Variants in SPPL2B observed in about 807,000 individuals in gnomAD.
SPPL2B encodes signal peptide peptidase like 2B.
Under a neutral mutation model 59.7 loss-of-function variants are expected in SPPL2B, and 39 were observed. The ratio of observed to expected loss-of-function variants is 0.65; its 90% confidence interval spans 0.51 to 0.85. SPPL2B has a LOEUF of 0.85. Ranked by LOEUF, SPPL2B falls within the 40% of genes least tolerant of loss-of-function variation. The pLI is 0.00. For missense variants in SPPL2B, 865 were observed against 849.0 expected, an observed-to-expected ratio of 1.02 and a Z score of -0.23; for synonymous variants, 419 against 370.8, an observed-to-expected ratio of 1.13 and a Z score of -1.49.
chr19:2,343,063 G>A, intron 8 of SPPL2B, 148 bp from the exon 9 acceptor site: 2 of 664,580 alleles, frequency 3.0e-6, no homozygotes, highest in Non-Finnish European at 5.4e-6. Context: ...CACAGGTCTG[G>A]GGTCCTCAGA....
chr19:2,335,278 C>T (rs1244982245), intron 2 of SPPL2B, among the ~76,000 whole-genome samples: 9 of 129,130 alleles, frequency 7.0e-5, no homozygotes, highest in East Asian at 3.1e-4. Flanking sequence ...GCCTCCTTTC[C>T]CACTGCATCC....
chr19:2,329,346 G>T (rs1968161132), intron 1 of SPPL2B, among the ~76,000 whole-genome samples: 1 of 152,210 alleles, frequency 6.6e-6, no homozygotes, highest in Non-Finnish European at 1.5e-5. Context: ...TGGAATTCGT[G>T]TGCAGAAGGA....
chr19:2,341,798 G>C (rs923109545), intron 8 of SPPL2B: 2 of 364,416 alleles, frequency 5.5e-6, no homozygotes, highest in African/African-American at 4.2e-5. Context: ...GTCACATGAA[G>C]TTAGAGCAGG....
chr19:2,331,546 C>T lies in SPPL2B; in HGVS notation c.66+2771C>T, dbSNP rs191155825. On this transcript the variant is annotated intron_variant, in intron 1 of 14. Transcript: ENST00000613503. ...TCTTCCCGGTGAGATGCCGCGTTCT[C>T]TGGCCTTTGATAGAGGCACAGGCTT... Among the ~76,000 whole-genome samples, 57 of 152,222 alleles carry T rather than the reference C, an allele frequency of 3.7e-4. No individual in the cohort carries two copies. The East Asian group carries it at 9.8e-3, about 26-fold the overall frequency.
At chr19:2,335,299 G>A (rs1455244348) in intron 2 of SPPL2B, among the ~76,000 whole-genome samples, 17 of 119,416 alleles carry the variant, frequency 1.4e-4, no homozygotes, top group East Asian at 3.2e-4. Flanking sequence ...TTCAGGCCCC[G>A]CCTCCTTTCC....
intron 14 of SPPL2B, among the ~76,000 whole-genome samples, chr19:2,352,430 C>T (rs1033325634): frequency 2.0e-5 from 3 of 152,152 alleles, no homozygotes; most frequent in Admixed American, 6.5e-5. Context: ...TGGGGTCCTA[C>T]GTCATGTTTT....
Position 2,341,060 on chromosome 19 carries a change from G to GAC in SPPL2B, c.956+46_956+47insAC, listed in dbSNP as rs558376440. ...GCCCCGGCGGGCAGCGGAGTCCTCGGGTGCACCAGGGCTCCTGGGGCCCTG... is the reference window on the plus strand; with the variant it reads ...GCCCCGGCGGGCAGCGGAGTCCTCGGACGTGCACCAGGGCTCCTGGGGCCCTG... On this transcript the variant is annotated intron_variant, in intron 8 of 14. Coordinates refer to ENST00000613503, the MANE Select transcript of SPPL2B (RefSeq NM_152988.3). 1.8e-3 allele frequency: 2,464 copies of GAC among 1,393,404 alleles called. 34 individuals are homozygous for GAC. The African/African-American group carries it at 0.031, about 18-fold the overall frequency. The allele number at this position is 1,393,404 out of a possible 1,614,324, so 86.3% of individuals were successfully genotyped here.
intron 8 of SPPL2B, chr19:2,342,561 G>A (rs1368373732): frequency 6.6e-6 from 1 of 152,638 alleles, no homozygotes; most frequent in African/African-American, 2.4e-5. Flanking sequence ...GCTGAGGCAG[G>A]AGAATTGCTT....
chr19:2,350,389 G>A (rs1055563421), intron 13 of SPPL2B, among the ~76,000 whole-genome samples: 4 of 138,076 alleles, frequency 2.9e-5, no homozygotes, highest in East Asian at 4.3e-4. Flanking sequence ...ACACACTCGC[G>A]TTCTCATTCG....
Position 2,343,391 on chromosome 19 carries a change from C to G in SPPL2B, c.1038+99C>G, listed in dbSNP as rs77598010. 2.2e-3 allele frequency: 2,163 copies of G among 986,940 alleles called. 20 individuals are homozygous for G. In the African/African-American group the frequency reaches 0.023, roughly 11 times the overall value. 61.1% of individuals were successfully genotyped at this position (986,940 alleles called of 1,614,324 possible). A position where few individuals can be genotyped will look rare whatever the true frequency, so the allele number is the denominator to read the frequency against. On this transcript the variant is annotated intron_variant, in intron 9 of 14. Transcript: ENST00000613503. ...GGGCTGTGGTCCTTGCAGGTCTGTGCTCCTGCTCACTGCCCTGGGGATGGC... is the reference window on the plus strand; with the variant it reads ...GGGCTGTGGTCCTTGCAGGTCTGTGGTCCTGCTCACTGCCCTGGGGATGGC...
Position 2,354,963 on chromosome 19 carries a change from TCA to T in SPPL2B, c.*1756_*1757del, listed in dbSNP as rs1442357458. ...GGCCAGTGCTGTGAGGTGCCCAGCG[TCA>T]CTCCCATGGGCTCTGTGGGCCATGT... On this transcript the variant is annotated 3_prime_UTR_variant, in exon 15 of 15. Coordinates refer to ENST00000613503, the MANE Select transcript of SPPL2B (RefSeq NM_152988.3). Among the ~76,000 whole-genome samples the T allele has an allele frequency of 6.6e-6, 1 of 152,234 alleles. No homozygotes were observed. The highest frequency in any genetic ancestry group is 2.4e-5 in the African/African-American group (1 of 41,460).
intron 13 of SPPL2B, among the ~76,000 whole-genome samples, chr19:2,347,044 G>A (rs368573841): frequency 5.3e-5 from 8 of 152,204 alleles, no homozygotes; most frequent in Admixed American, 2.0e-4. Context: ...TTGCAGGATC[G>A]CTACAGAGAA....
chr19:2,343,477 C>A (rs1230108448), intron 9 of SPPL2B, among the ~76,000 whole-genome samples, 185 bp downstream of exon 9: 6 of 152,162 alleles, frequency 3.9e-5, no homozygotes, highest in African/African-American at 1.4e-4. Context: ...CCCGCTGAGG[C>A]GGCCTGGGTG....
intron 5 of SPPL2B, 40 bp downstream of exon 5, chr19:2,339,248 C>A (rs142285842): frequency 1.3e-6 from 2 of 1,581,982 alleles, no homozygotes; most frequent in Non-Finnish European, 1.7e-6. Context: ...CGGGGTCGGG[C>A]GGCTCTGACA....
chr19:2,344,880 C>T (rs189005791), intron 12 of SPPL2B, among the ~76,000 whole-genome samples: 19 of 152,238 alleles, frequency 1.2e-4, no homozygotes, highest in Admixed American at 3.9e-4. Flanking sequence ...GAAGGCCCCC[C>T]GATTGCAGAC....
chr19:2,337,380 G>C, intron 2 of SPPL2B, 63 bp from the exon 3 acceptor site: 1 of 1,467,554 alleles, frequency 6.8e-7, no homozygotes, highest in Non-Finnish European at 9.2e-7. Context: ...TGGGAGAACG[G>C]GCAGCTGGGC....
At chr19:2,352,666 C>T (rs1342385981) in intron 14 of SPPL2B, among the ~76,000 whole-genome samples, 2 of 152,036 alleles carry the variant, frequency 1.3e-5, no homozygotes, top group African/African-American at 2.4e-5. Flanking sequence ...GGCCCAGGGG[C>T]GAGAGACGGT....
chr19:2,350,261 C>A lies in SPPL2B; in HGVS notation c.1355-1173C>A, dbSNP rs542849485. 1.4e-5 allele frequency among the ~76,000 whole-genome samples: 2 copies of A among 144,932 alleles called. 1 individual carries two copies. Among genetic ancestry groups the A allele is most frequent in the African/African-American group, 5.2e-5 (2 of 38,626 alleles). On this transcript the variant is annotated intron_variant, in intron 13 of 14. Transcript: ENST00000613503. ...CCACACACACACTTGCGCTCTTATTCGCTTGATTCCGTTCTCTCTCTCCAC... is the reference window on the plus strand; with the variant it reads ...CCACACACACACTTGCGCTCTTATTAGCTTGATTCCGTTCTCTCTCTCCAC...
At chr19:2,340,281 C>A in intron 7 of SPPL2B, 109 bp downstream of exon 7, 2 of 888,124 alleles carry the variant, frequency 2.3e-6, no homozygotes, top group Non-Finnish European at 1.7e-6. Context: ...GAGTCTACAG[C>A]AGGCGCTCCC....
Sources: gnomAD v4.1 joint callset for allele counts (sites outside exome capture counted in the v4.1 genomes callset) on GRCh38, gnomAD v4.1.1 for gene constraint, MANE v1.5 for transcripts, NCBI Gene and HGNC (gene_info 2026-07-23, HGNC 2026-07-21) for gene names.